The following TBC1D9 variants were observed in gnomAD, a reference collection of about 807,000 sequenced individuals.
TBC1D9 encodes TBC1 domain family member 9A.
Under a neutral mutation model 132.0 loss-of-function variants are expected in TBC1D9, and 63 were observed. The ratio of observed to expected loss-of-function variants is 0.48; its 90% CI spans 0.39 to 0.59. The LOEUF is 0.59. Ranked by LOEUF, TBC1D9 falls within the 20% of genes least tolerant of loss-of-function variation. TBC1D9 has a pLI of 0.00. For synonymous variants in TBC1D9, 610 were observed against 609.9 expected (o/e 1.00, Z 0.00); for missense variants, 1,261 against 1,592.7 (o/e 0.79, Z 3.54).
At chr4:140,643,182 TC>T in intron 13 of TBC1D9, 1 of 1,432,614 alleles carries the variant, frequency 7.0e-7, no homozygotes, top group Non-Finnish European at 9.6e-7. Context: ...CAGCAGGCTC[TC>T]CAGTGAGGGC....
rs1009853188 is a variant in TBC1D9 at position 140,642,286 on chromosome 4, C to A, written c.2338-2858G>T. ...TAGCTGCTCACTTCGGAGGCAAACG[C>A]GGAATGGGCCGACTTGGGCTGGCCT... On this transcript the variant is annotated intron_variant, in intron 13 of 20. Transcript: ENST00000442267. 4.2e-6 allele frequency: 3 copies of A among 712,174 alleles called. No homozygotes were observed. In the Admixed American group the frequency reaches 7.0e-5, roughly 17 times the overall value. 44.1% of individuals were successfully genotyped at this position (712,174 alleles called of 1,614,324 possible). A position where few individuals can be genotyped will look rare whatever the true frequency, so the allele number is the denominator to read the frequency against.
chr4:140,716,450 C>A (rs1011965582), intron 1 of TBC1D9, among the ~76,000 whole-genome samples: 30 of 151,996 alleles, frequency 2.0e-4, no homozygotes, highest in Middle Eastern at 3.4e-3. Flanking sequence ...TGATCGTGCC[C>A]CTGTACTCCA....
chr4:140,750,424 AT>A (rs1407626319), intron 1 of TBC1D9, among the ~76,000 whole-genome samples: 1 of 152,094 alleles, frequency 6.6e-6, no homozygotes, highest in African/African-American at 2.4e-5. Context: ...AATTACCAGA[AT>A]TCATTTCTTA....
chr4:140,697,510 AC>A (rs1379415848), intron 2 of TBC1D9, among the ~76,000 whole-genome samples: 1 of 152,232 alleles, frequency 6.6e-6, no homozygotes, highest in East Asian at 1.9e-4. Context: ...ATCAATATAT[AC>A]AAAAACTAAA....
At chr4:140,630,729 C>T (rs1025633164) in intron 16 of TBC1D9, among the ~76,000 whole-genome samples, 1 of 152,122 alleles carries the variant, frequency 6.6e-6, no homozygotes, top group Admixed American at 6.5e-5. Flanking sequence ...CCTAACATAC[C>T]CTTGGCTATC....
chr4:140,623,670 C>T (rs1412380547), intron 20 of TBC1D9, among the ~76,000 whole-genome samples: 1 of 152,208 alleles, frequency 6.6e-6, no homozygotes, highest in Non-Finnish European at 1.5e-5. Flanking sequence ...TGCTTTCAGT[C>T]TCCACCCAGA....
Position 140,627,373 on chromosome 4 carries a change from T to A in TBC1D9, c.2899+68A>T, listed in dbSNP as rs1736725312. 3 of 994,694 alleles carry A rather than the reference T, an allele frequency of 3.0e-6. No homozygotes were observed. The Admixed American group carries it at 6.3e-5, about 21-fold the overall frequency. The allele number at this position is 994,694 out of a possible 1,614,324, so 61.6% of individuals were successfully genotyped here. The stretch of plus-strand genomic sequence containing the variant: ...TTGATTGACTAGCTTTGGAGGCAAG[T>A]CTTTTTCCAATAATGGAGGGCTCGG... On this transcript the variant is annotated intron_variant, in intron 18 of 20. Coordinates refer to ENST00000442267, the MANE Select transcript of TBC1D9 (RefSeq NM_015130.3).
intron 13 of TBC1D9, chr4:140,643,157 G>A: frequency 1.4e-6 from 2 of 1,439,892 alleles, no homozygotes; most frequent in Non-Finnish European, 1.9e-6. Flanking sequence ...CCCTCAGCAT[G>A]TGGCTGCCGG....
rs562164071 is a variant in TBC1D9, at chr4:140,642,749, T to A, written c.2338-3321A>T. On this transcript the variant is annotated intron_variant, in intron 13 of 20. Coordinates refer to ENST00000442267, the MANE Select transcript of TBC1D9 (RefSeq NM_015130.3). Reference sequence around the variant, plus strand: ...TCTCTTCCTTATTCCTGCTCCCAGCTCATAGTCATCTGATGTCGGCAGAGA... The same window carrying A: ...TCTCTTCCTTATTCCTGCTCCCAGCACATAGTCATCTGATGTCGGCAGAGA... 1.1e-5 allele frequency: 7 copies of A among 649,296 alleles called. No individual in the cohort carries two copies. The East Asian group carries it at 1.8e-4, about 17-fold the overall frequency. 40.2% of individuals were successfully genotyped at this position (649,296 alleles called of 1,614,324 possible).
At chr4:140,641,556 C>A (rs911923471) in intron 13 of TBC1D9, among the ~76,000 whole-genome samples, 3 of 151,974 alleles carry the variant, frequency 2.0e-5, no homozygotes, top group Non-Finnish European at 2.9e-5. Flanking sequence ...CCCCACTGGG[C>A]CCGTGCCCAA....
intron 1 of TBC1D9, among the ~76,000 whole-genome samples, chr4:140,725,809 T>G (rs1307949397): frequency 6.6e-6 from 1 of 152,096 alleles, no homozygotes; most frequent in Non-Finnish European, 1.5e-5. Flanking sequence ...GGGATAAAAT[T>G]ACATATTGTA....
chr4:140,642,895 C>A, intron 13 of TBC1D9: 1 of 587,632 alleles, frequency 1.7e-6, no homozygotes, highest in East Asian at 2.9e-5. Context: ...TGGGACTCCT[C>A]GTGCCTGTCC....
Position 140,706,006 on chromosome 4 carries a change from T to C in TBC1D9, c.131-4392A>G, listed in dbSNP as rs1406353492. Among the ~76,000 whole-genome samples, 3 of 152,336 alleles carry C rather than the reference T, an allele frequency of 2.0e-5. No homozygotes were observed. In the East Asian group the frequency reaches 5.8e-4, roughly 29 times the overall value. ...CTTGGCAAAATTGTTCCATATTTGCTTCCCATTTGGTTGTGGGCACTGGAA... is the reference window on the plus strand; with the variant it reads ...CTTGGCAAAATTGTTCCATATTTGCCTCCCATTTGGTTGTGGGCACTGGAA... On this transcript the variant is annotated intron_variant, in intron 1 of 20. Transcript: ENST00000442267. This position sits in a 1 kb window ranked among gnomAD's most constrained non-coding sequence, Gnocchi z 4.0.
At chr4:140,664,154 G>A (rs927604314) in intron 9 of TBC1D9, among the ~76,000 whole-genome samples, 1 of 151,814 alleles carries the variant, frequency 6.6e-6, no homozygotes, top group African/African-American at 2.4e-5. Context: ...CAATGTATAT[G>A]AAATCATCAA....
At position 140,701,548 on chromosome 4, in the gene TBC1D9, A is replaced by G; in HGVS notation, c.197T>C (p.Leu66Ser). ...SSARVAPYRI[L>S]YQTPDSLVYW... ...GACCAGGGAGTCTGGAGTCTGGTACAAGATTCGGTAAGGAGCGACCCGGGC... is the reference window on the plus strand; with the variant it reads ...GACCAGGGAGTCTGGAGTCTGGTACGAGATTCGGTAAGGAGCGACCCGGGC... Residue 66 changes from leucine to serine, a missense_variant, in exon 2 of 21, where the codon TTG becomes TCG. Physicochemically the swap from Leu to Ser is moderately radical, Grantham distance 145. Around this residue, in one of 3 missense-constraint regions of TBC1D9, gnomAD observed 550 missense variants for 699.0 expected, o/e 0.79. Transcript: ENST00000442267. The G allele has an allele frequency of 6.2e-7, 1 of 1,613,978 alleles. No individual in the cohort carries two copies. The highest frequency in any genetic ancestry group is 8.5e-7 in the Non-Finnish European group (1 of 1,179,876).
intron 1 of TBC1D9, among the ~76,000 whole-genome samples, chr4:140,740,220 A>C (rs1738738200): frequency 6.6e-6 from 1 of 152,236 alleles, no homozygotes; most frequent in Non-Finnish European, 1.5e-5. Context: ...TGTTCCTAAC[A>C]CTATGTATTA....
chr4:140,649,037 A>C (rs1481009212), intron 13 of TBC1D9, among the ~76,000 whole-genome samples: 2 of 152,254 alleles, frequency 1.3e-5, no homozygotes, highest in Admixed American at 6.5e-5. Context: ...GGATGGATGA[A>C]GAACAGATAC....
At chr4:140,721,603 C>T (rs975729870) in intron 1 of TBC1D9, among the ~76,000 whole-genome samples, 1 of 152,152 alleles carries the variant, frequency 6.6e-6, no homozygotes, top group African/African-American at 2.4e-5. Flanking sequence ...CTCTAGCTTC[C>T]AGAAAATTCA....
intron 1 of TBC1D9, among the ~76,000 whole-genome samples, chr4:140,731,431 C>A (rs181566069): frequency 6.6e-6 from 1 of 152,086 alleles, no homozygotes; most frequent in Non-Finnish European, 1.5e-5. Flanking sequence ...GTGGCTCACA[C>A]GTGTAATCCC....
Sources: gnomAD v4.1 joint callset for allele counts (sites outside exome capture counted in the v4.1 genomes callset) on GRCh38, gnomAD v4.1.1 for gene constraint, gnomAD v4.1.1 regional missense constraint, Gnocchi (gnomAD v3.1) non-coding constraint, MANE v1.5 for transcripts, NCBI Gene and HGNC (gene_info 2026-07-23, HGNC 2026-07-21) for gene names.